The following FLNC variants were observed in gnomAD, a reference collection of about 807,000 sequenced individuals.
The protein encoded by FLNC is filamin-C.
FLNC carries 91 observed loss-of-function variants against 254.3 expected under a neutral mutation model. The observed-to-expected ratio is 0.36, with a 90% CI of 0.30 to 0.43. The LOEUF (loss-of-function observed/expected upper bound fraction) is 0.43. FLNC is among the 20% of genes least tolerant of loss of function. FLNC has a pLI of 1.00. For synonymous variants in FLNC, 1,430 were observed against 1,577.2 expected (o/e 0.91, Z 2.21); for missense variants, 2,853 against 3,802.6 (o/e 0.75, Z 6.57).
rs552043632 is a variant in FLNC, at chr7:128,857,952, G to A, written c.7781-56G>A. On this transcript the variant is annotated intron_variant, in intron 46 of 47. Coordinates refer to ENST00000325888, the MANE Select transcript of FLNC (RefSeq NM_001458.5). The surrounding 1 kb of genome is among the most constrained non-coding windows in gnomAD (Gnocchi z 4.5). ...GTGCTGGCCGAGGGTCCCCTGCCTG[G>A]GGAAGAACAGGAAGCCCTTCTGACT... 3.0e-6 allele frequency: 4 copies of A among 1,317,578 alleles called. No homozygotes were observed. Among genetic ancestry groups the A allele is most frequent in the Non-Finnish European group, 3.2e-6 (3 of 931,452 alleles). The allele number at this position is 1,317,578 out of a possible 1,614,324, so 81.6% of individuals were successfully genotyped here. A position where few individuals can be genotyped will look rare whatever the true frequency, so the allele number is the denominator to read the frequency against.
chr7:128,843,226 C>T lies in FLNC; in HGVS notation c.2551-3C>T, dbSNP rs1293024920. On this transcript the variant is annotated splice_polypyrimidine_tract_variant and splice_region_variant and intron_variant, in intron 16 of 47. Transcript: ENST00000325888. ...GCCCTGACTGAGCCTCCTCCACATC[C>T]AGGAGATCCCCGCCAGCCCCTTCCA... is the stretch of plus-strand genomic sequence containing the variant. 6.3e-7 allele frequency: 1 copy of T among 1,588,926 alleles called. No homozygotes were observed. Among genetic ancestry groups the T allele is most frequent in the Admixed American group, 1.8e-5 (1 of 56,038 alleles).
intron 20 of FLNC, 122 bp from the exon 21 acceptor site, chr7:128,844,536 T>G: frequency 2.0e-6 from 2 of 1,012,566 alleles, no homozygotes; most frequent in Non-Finnish European, 3.1e-6. Context: ...TCACCTGGGA[T>G]TGTTATAAGC....
Position 128,840,079 on chromosome 7 carries a change from C to G in FLNC, c.1468C>G (p.Arg490Gly), listed in dbSNP as rs1422233407. The change falls in exon 9 of 48, where the codon CGC becomes GGC. Residue 490 changes from arginine to glycine, a missense_variant. Transcript: ENST00000325888. ...GCGAGGCCTGCAGCCCAAGGGTGTT[C>G]GCGTGAAAGAGGTGGCTGACTTCAA... ...SGRGLQPKGV[R>G]VKEVADFKVF... The G allele has an allele frequency of 6.2e-7, 1 of 1,614,126 alleles. No homozygotes were observed. The highest frequency in any genetic ancestry group is 1.7e-5 in the Admixed American group (1 of 60,036).
chr7:128,849,133 C>T (rs1182082731), intron 28 of FLNC, 48 bp from the exon 29 acceptor site: 9 of 1,604,750 alleles, frequency 5.6e-6, no homozygotes, highest in South Asian at 1.1e-5. Context: ...CCCAATGCCC[C>T]AGCCCACGTT....
At chr7:128,855,097 G>A in intron 42 of FLNC, 102 bp from the exon 43 acceptor site, 1 of 1,078,812 alleles carries the variant, frequency 9.3e-7, no homozygotes, top group South Asian at 1.2e-5. Flanking sequence ...CCAGATCTGA[G>A]CGCTGACCAC....
At chr7:128,838,952 A>T in intron 8 of FLNC, 149 bp downstream of exon 8, 1 of 700,876 alleles carries the variant, frequency 1.4e-6, no homozygotes, top group Non-Finnish European at 2.4e-6. Flanking sequence ...TCCTAAGAGC[A>T]CAGCTGGGAG....
At position 128,842,689 on chromosome 7, in the gene FLNC, G is replaced by A. The variant is rs1198975298; in HGVS notation, c.2380G>A (p.Ala794Thr). 6 of 1,555,518 alleles carry A rather than the reference G, an allele frequency of 3.9e-6. No homozygotes were observed. Among genetic ancestry groups the A allele is most frequent in the Admixed American group, 1.9e-5 (1 of 51,288 alleles). Residue 794 changes from alanine (A) to threonine (T), a missense_variant, in exon 15 of 48, where the codon GCG becomes ACG. Physicochemically the swap from Ala to Thr is moderately conservative, Grantham distance 58. Coordinates refer to ENST00000325888, the MANE Select transcript of FLNC (RefSeq NM_001458.5). The surrounding 1 kb of genome is among the most constrained non-coding windows in gnomAD (Gnocchi z 5.4). ...PTYFTVDCSE[A>T]GQGDVSIGIK... is the part of the protein sequence containing the mutation. ...CTACTTCACGGTGGACTGCAGCGAG[G>A]CGGGGCAAGGTGCGCCCAGCCGGAA...
intron 1 of FLNC, among the ~76,000 whole-genome samples, chr7:128,831,264 C>A (rs1807880925): frequency 6.6e-6 from 1 of 152,190 alleles, no homozygotes; most frequent in Non-Finnish European, 1.5e-5. Context: ...CCTCCCCATG[C>A]ACATTCCCAC....
rs756985550 is a variant in FLNC, at chr7:128,846,886, C to CG, written c.4275dup (p.Arg1426AlafsTer85). On this transcript the variant is annotated frameshift_variant, in exon 24 of 48. Coordinates refer to ENST00000325888, the MANE Select transcript of FLNC (RefSeq NM_001458.5). LOFTEE classifies it high-confidence loss of function. The stretch of plus-strand genomic sequence containing the variant: ...GAGACTATGACGTCAACATCACCTT[C>CG]GGGGGGCGGCCCATCCCAGGTGTGC... The CG allele has an allele frequency of 6.2e-7, 1 of 1,614,206 alleles. No homozygotes were observed. Among genetic ancestry groups the CG allele is most frequent in the Non-Finnish European group, 8.5e-7 (1 of 1,180,026 alleles).
Position 128,851,476 on chromosome 7 carries a change from AG to A in FLNC, c.5693del (p.Gly1898AlafsTer55). On this transcript the variant is annotated frameshift_variant, in exon 35 of 48. Transcript: ENST00000325888. LOFTEE classifies it high-confidence loss of function. ...ACAGGGGGTCTGTCACTGGCCGTGG[AG>A]GGCCCATCCAAGGCAGAGATCACCT... is the stretch of plus-strand genomic sequence containing the variant. ...AGEGGLSLAVEGPSKAEITCK... is the reference protein window; with the variant it reads ...AGEGGLSLAVXGPSKAEITCK... 6.2e-7 allele frequency: 1 copy of A among 1,613,956 alleles called. No homozygotes were observed. The highest frequency in any genetic ancestry group is 8.5e-7 in the Non-Finnish European group (1 of 1,180,022).
chr7:128,843,400 G>C lies in FLNC; in HGVS notation c.2642-8G>C. The C allele has an allele frequency of 6.2e-7, 1 of 1,614,022 alleles. No homozygotes were observed. ...AGGCCCTCACCACATCTCTGGGTGG[G>C]TCCTCAGGTGTGGAAGTCGGGAAGC... On this transcript the variant is annotated splice_region_variant and splice_polypyrimidine_tract_variant and intron_variant, in intron 17 of 47. Coordinates refer to ENST00000325888, the MANE Select transcript of FLNC (RefSeq NM_001458.5).
chr7:128,847,639 A>C, intron 24 of FLNC, 58 bp from the exon 25 acceptor site: 1 of 1,605,912 alleles, frequency 6.2e-7, no homozygotes, highest in Non-Finnish European at 8.5e-7. Context: ...GAGGCTCCTC[A>C]GCATCAGGGG....
rs745842738 is a variant in FLNC, at chr7:128,852,944, G to A, written c.6121G>A (p.Ala2041Thr). 1.9e-6 allele frequency: 3 copies of A among 1,613,582 alleles called. No individual in the cohort carries two copies. The highest frequency in any genetic ancestry group is 2.5e-6 in the Non-Finnish European group (3 of 1,180,016). ...GGTGGGGCCATCTGAGATCGGGGACGCCAGCAAGGTGCGGGTCTGGGGCAA... is the reference window on the plus strand; with the variant it reads ...GGTGGGGCCATCTGAGATCGGGGACACCAGCAAGGTGCGGGTCTGGGGCAA... ...ILVGPSEIGD[A>T]SKVRVWGKGL... The change falls in exon 37 of 48, where the codon GCC becomes ACC. Residue 2041 changes from alanine to threonine, a missense_variant. By Grantham distance (58) the Ala-to-Thr change is moderately conservative. Coordinates refer to ENST00000325888, the MANE Select transcript of FLNC (RefSeq NM_001458.5).
chr7:128,844,331 A>T, intron 20 of FLNC, 65 bp downstream of exon 20: 2 of 1,519,412 alleles, frequency 1.3e-6, no homozygotes, highest in Non-Finnish European at 1.8e-6. Flanking sequence ...GATGAGTCAT[A>T]GGGGGCAGAG....
rs991272731 is a variant in FLNC, at chr7:128,836,893, G to A, written c.602-267G>A. 3.3e-5 allele frequency among the ~76,000 whole-genome samples: 5 copies of A among 152,338 alleles called. No homozygotes were observed. Among genetic ancestry groups the A allele is most frequent in the African/African-American group, 9.6e-5 (4 of 41,578 alleles). ...AAGGTCTGAGCTGGGGCCTGGGCAG[G>A]CAGGAGGCCGGCCAGCAGGGCTGGT... is the stretch of plus-strand genomic sequence containing the variant. On this transcript the variant is annotated intron_variant, in intron 2 of 47. Transcript: ENST00000325888. This position sits in a 1 kb window ranked among gnomAD's most constrained non-coding sequence, Gnocchi z 6.0.
At chr7:128,843,745 T>C in intron 18 of FLNC, 51 bp from the exon 19 acceptor site, 1 of 1,554,900 alleles carries the variant, frequency 6.4e-7, no homozygotes, top group Non-Finnish European at 8.9e-7. Context: ...CACCAGGATG[T>C]TGTAGGACCT....
At position 128,846,739 on chromosome 7, in the gene FLNC, T is replaced by C; in HGVS notation, c.4128-6T>C. 1 of 1,613,508 alleles carries C rather than the reference T, an allele frequency of 6.2e-7. No homozygotes were observed. Among genetic ancestry groups the C allele is most frequent in the Non-Finnish European group, 8.5e-7 (1 of 1,179,792 alleles). ...ATGAAGCTGATGGGGGGATGTTATC[T>C]CTCAGGGGAGCGGGCACCGGGGGCC... is the stretch of plus-strand genomic sequence containing the variant. On this transcript the variant is annotated splice_polypyrimidine_tract_variant and splice_region_variant and intron_variant, in intron 23 of 47. Coordinates refer to ENST00000325888, the MANE Select transcript of FLNC (RefSeq NM_001458.5).
chr7:128,852,066 G>A (rs1460189864), intron 35 of FLNC, among the ~76,000 whole-genome samples: 9 of 152,174 alleles, frequency 5.9e-5, no homozygotes, highest in Middle Eastern at 3.4e-3. Context: ...GGGTTTCACC[G>A]TGTTAGCCAG....
chr7:128,849,401 T>A lies in FLNC; in HGVS notation c.5022T>A (p.Gly1674=). 6.2e-7 allele frequency: 1 copy of A among 1,613,676 alleles called. No homozygotes were observed. The highest frequency in any genetic ancestry group is 8.5e-7 in the Non-Finnish European group (1 of 1,179,930). Residue 1674 remains glycine (G), a synonymous_variant, in exon 30 of 48, where the codon GGT becomes GGA. Transcript: ENST00000325888. ...TVITVDAKAA[G]EGKVTCTVST... is the part of the protein sequence containing the mutation. ...TCACGGTGGATGCCAAGGCAGCCGG[T>A]GAGGGGAAGGTGACATGCACGGTGT...
Sources: gnomAD v4.1 joint callset for allele counts (sites outside exome capture counted in the v4.1 genomes callset) on GRCh38, gnomAD v4.1.1 for gene constraint, Gnocchi (gnomAD v3.1) non-coding constraint, MANE v1.5 for transcripts, NCBI Gene and HGNC (gene_info 2026-07-23, HGNC 2026-07-21) for gene names.